MYO16: variants seen among roughly 807,000 people sequenced by gnomAD.
The protein encoded by MYO16 is unconventional myosin-XVI.
MYO16 carries 94 observed loss-of-function variants against 205.3 expected under a neutral mutation model. That is an observed-to-expected ratio of 0.46 (90% CI 0.39 to 0.54). The LOEUF is 0.54. MYO16 is among the 20% of genes least tolerant of loss of function. MYO16 has a pLI of 0.00. For synonymous variants in MYO16, 988 were observed against 954.0 expected (o/e 1.04, Z -0.66); for missense variants, 2,315 against 2,387.5 (o/e 0.97, Z 0.63).
At chr13:108,597,799 T>C (rs1284218723) in intron 1 of MYO16, among the ~76,000 whole-genome samples, 1 of 152,150 alleles carries the variant, frequency 6.6e-6, no homozygotes, top group East Asian at 1.9e-4. Flanking sequence ...GAACATTAGG[T>C]TGTGTTTCAT....
intron 2 of MYO16, among the ~76,000 whole-genome samples, chr13:108,671,502 G>A (rs528254892): frequency 1.4e-4 from 22 of 152,262 alleles, no homozygotes; most frequent in Non-Finnish European, 3.1e-4. Flanking sequence ...AGAAGTGATG[G>A]ACTATAGTGA....
intron 4 of MYO16, among the ~76,000 whole-genome samples, chr13:108,746,572 A>G (rs1300468889): frequency 6.6e-6 from 1 of 152,174 alleles, no homozygotes; most frequent in Non-Finnish European, 1.5e-5. Context: ...ATTATGATGG[A>G]TTTCCCAATA....
At chr13:108,546,162 G>A in the MYO16 span, among the ~76,000 whole-genome samples, 2 of 152,164 alleles carry the variant, frequency 1.3e-5, no homozygotes, top group Non-Finnish European at 2.9e-5. Context: ...ACAGACAAAA[G>A]TGAGGTCAGG....
chr13:109,053,886 G>A (rs1238358171), intron 25 of MYO16, among the ~76,000 whole-genome samples: 1 of 151,932 alleles, frequency 6.6e-6, no homozygotes, highest in Non-Finnish European at 1.5e-5. Flanking sequence ...TTCATTTTAC[G>A]TTCACTTGTC....
chr13:108,812,236 C>T (rs553596057), intron 7 of MYO16, among the ~76,000 whole-genome samples: 12 of 152,206 alleles, frequency 7.9e-5, no homozygotes, highest in African/African-American at 1.4e-4. Flanking sequence ...CTGCATATCC[C>T]GTATCATAAA....
At chr13:109,170,994 A>G (rs1878901350) in intron 33 of MYO16, among the ~76,000 whole-genome samples, 1 of 152,244 alleles carries the variant, frequency 6.6e-6, no homozygotes, top group Non-Finnish European at 1.5e-5. Context: ...AAATTATTTC[A>G]ATTGGAAATT....
upstream of MYO16, among the ~76,000 whole-genome samples, chr13:108,627,238 G>C (rs945434529): frequency 1.8e-4 from 28 of 152,166 alleles, 1 homozygote; most frequent in Non-Finnish European, 3.5e-4. Context: ...AATGTTTAGA[G>C]CATGAGTATG....
At chr13:108,898,571 A>G (rs1234643630) in intron 15 of MYO16, among the ~76,000 whole-genome samples, 1 of 152,168 alleles carries the variant, frequency 6.6e-6, no homozygotes, top group Non-Finnish European at 1.5e-5. Context: ...AAATACTTTA[A>G]TTAAATAAAT....
At chr13:108,652,232 A>T (rs1231721368) in intron 1 of MYO16, among the ~76,000 whole-genome samples, 1 of 152,182 alleles carries the variant, frequency 6.6e-6, no homozygotes, top group Admixed American at 6.5e-5. Context: ...AAGCATGCTA[A>T]TTCCTGAACA....
rs148825433 is a variant in MYO16 at position 108,715,199 on chromosome 13, G to A, written c.363+2468G>A. Among the ~76,000 whole-genome samples the A allele has an allele frequency of 2.6e-3, 391 of 152,252 alleles. 2 individuals are homozygous for A. The highest frequency in any genetic ancestry group is 0.015 in the South Asian group (71 of 4,820). ...CTTGCTGCTCCTTCAGCGCTGGCCC[G>A]TGCTCCTGCTCCGTGTGCTCTTGCC... On this transcript the variant is annotated intron_variant, in intron 3 of 34. Transcript: ENST00000457511.
At chr13:108,990,881 T>G (rs1026208145) in intron 20 of MYO16, among the ~76,000 whole-genome samples, 6 of 152,184 alleles carry the variant, frequency 3.9e-5, no homozygotes, top group African/African-American at 1.2e-4. Flanking sequence ...ATTATAATTA[T>G]GTACTGTACG....
chr13:108,808,258 G>C (rs72652164), intron 7 of MYO16, among the ~76,000 whole-genome samples: 10,456 of 150,958 alleles, frequency 0.069, 479 homozygotes, highest in East Asian at 0.23. Context: ...AGACCTTCCA[G>C]AGGCCCATAA....
intron 4 of MYO16, among the ~76,000 whole-genome samples, chr13:108,773,279 T>A (rs1483245122): frequency 6.6e-6 from 1 of 152,184 alleles, no homozygotes; most frequent in Non-Finnish European, 1.5e-5. Context: ...TCCGTTGTAT[T>A]AGATAAAGAG....
chr13:108,795,024 C>G (rs931659385), intron 6 of MYO16, among the ~76,000 whole-genome samples: 5 of 151,964 alleles, frequency 3.3e-5, no homozygotes, highest in Admixed American at 2.6e-4. Flanking sequence ...CCTGTGACCT[C>G]TAGAGGGTCA....
At chr13:108,544,090 G>C in the MYO16 span, among the ~76,000 whole-genome samples, 24 of 133,312 alleles carry the variant, frequency 1.8e-4, no homozygotes, top group Non-Finnish European at 3.7e-4. Context: ...AAAAAAAAAA[G>C]AGCATGATAA....
At chr13:108,529,941 T>C in the MYO16 span, among the ~76,000 whole-genome samples, 106 of 152,300 alleles carry the variant, frequency 7.0e-4, no homozygotes, top group Admixed American at 1.8e-3. Context: ...TTGAAGAATA[T>C]TTATTTGATT....
At chr13:108,940,411 A>G (rs1334855240) in intron 16 of MYO16, among the ~76,000 whole-genome samples, 4 of 152,118 alleles carry the variant, frequency 2.6e-5, no homozygotes, top group African/African-American at 9.7e-5. Context: ...TCTAATAACA[A>G]TTGACTTGAT....
intron 16 of MYO16, among the ~76,000 whole-genome samples, chr13:108,926,114 C>G (rs551487882): frequency 4.6e-4 from 70 of 152,312 alleles, no homozygotes; most frequent in African/African-American, 1.7e-3. Context: ...TTTCAGATCT[C>G]TACTCAGACA....
At chr13:108,626,869 C>CATGTATATATGTATATTTT (rs1292141337), upstream of MYO16, among the ~76,000 whole-genome samples, 3 of 144,548 alleles carry the variant, frequency 2.1e-5, no homozygotes, top group Non-Finnish European at 3.0e-5. Context: ...GTATATTATA[C>CATGTATATATGTATATTTT]ATGTATATAT....
Sources: gnomAD v4.1 joint callset for allele counts (sites outside exome capture counted in the v4.1 genomes callset) on GRCh38, gnomAD v4.1.1 for gene constraint, MANE v1.5 for transcripts, NCBI Gene and HGNC (gene_info 2026-07-23, HGNC 2026-07-21) for gene names.